The following RFX2 variants were observed in gnomAD, a reference collection of about 807,000 sequenced individuals.
RFX2 encodes the protein regulatory factor X2.
RFX2 carries 20 observed loss-of-function variants against 87.8 expected under a neutral mutation model. That is an observed-to-expected ratio of 0.23 (90% CI 0.16 to 0.33). The LOEUF is 0.33. Ranked by LOEUF, RFX2 falls within the 10% of genes least tolerant of loss-of-function variation. RFX2 has a pLI of 1.00. For missense variants in RFX2, 767 were observed against 1,012.3 expected (o/e 0.76, Z 3.29); for synonymous variants, 397 against 431.3 (o/e 0.92, Z 0.98).
rs940633140 is a variant in RFX2, at chr19:6,010,883, G to A, written c.900-632C>T. 2.0e-5 allele frequency among the ~76,000 whole-genome samples: 3 copies of A among 152,150 alleles called. No individual in the cohort carries two copies. Among genetic ancestry groups the A allele is most frequent in the Non-Finnish European group, 2.9e-5 (2 of 68,034 alleles). Reference sequence around the variant, plus strand: ...TGTAATCCCAGTGCTTTGGGAGGCCGAGGCAGGTGGATCATCTGAGGTCGG... The same window carrying A: ...TGTAATCCCAGTGCTTTGGGAGGCCAAGGCAGGTGGATCATCTGAGGTCGG... On this transcript the variant is annotated intron_variant, in intron 8 of 17. Coordinates refer to ENST00000303657, the MANE Select transcript of RFX2 (RefSeq NM_000635.4). This position sits in a 1 kb window ranked among gnomAD's most constrained non-coding sequence, Gnocchi z 5.0.
Position 5,997,306 on chromosome 19 carries a change from C to G in RFX2, c.1860-93G>C. The G allele has an allele frequency of 1.5e-6, 2 of 1,350,660 alleles. No homozygotes were observed. The highest frequency in any genetic ancestry group is 2.0e-6 in the Non-Finnish European group (2 of 1,014,062). 83.7% of individuals were successfully genotyped at this position (1,350,660 alleles called of 1,614,324 possible). Reference sequence around the variant, plus strand: ...TCATGGCAGCAACACACCCCCTGCTCTACGTTCCCTGGGGAACCCAGAGGC... The same window carrying G: ...TCATGGCAGCAACACACCCCCTGCTGTACGTTCCCTGGGGAACCCAGAGGC... On this transcript the variant is annotated intron_variant, in intron 15 of 17. Transcript: ENST00000303657. This position sits in a 1 kb window ranked among gnomAD's most constrained non-coding sequence, Gnocchi z 4.2.
At chr19:6,014,249 T>C (rs1351809356) in intron 7 of RFX2, among the ~76,000 whole-genome samples, 1 of 152,080 alleles carries the variant, frequency 6.6e-6, no homozygotes, top group Non-Finnish European at 1.5e-5. Context: ...TATTATTATA[T>C]TTTTGAGACA....
At chr19:6,053,861 TG>T (rs202219390) in intron 1 of RFX2, among the ~76,000 whole-genome samples, 5,838 of 145,798 alleles carry the variant, frequency 0.04, 274 homozygotes, top group African/African-American at 0.12. Flanking sequence ...GAGGCTGAGG[TG>T]GGAGAATTGC....
intron 1 of RFX2, among the ~76,000 whole-genome samples, chr19:6,088,837 G>A (rs1599923890): frequency 1.3e-5 from 2 of 152,276 alleles, no homozygotes; most frequent in East Asian, 1.9e-4. Context: ...AGGTTTTGCA[G>A]GTCAAGCGCT....
At position 6,063,552 on chromosome 19, in the gene RFX2, C is replaced by T. The variant is rs992442113; in HGVS notation, c.-8-16048G>A. ...CAGCCCTCTGTCCCTCAAAGTCCAC[C>T]CGCCCATGACAGCTAAGATTAAAGT... is the stretch of plus-strand genomic sequence containing the variant. On this transcript the variant is annotated intron_variant, in intron 1 of 17. Coordinates refer to ENST00000303657, the MANE Select transcript of RFX2 (RefSeq NM_000635.4). The surrounding 1 kb of genome is among the most constrained non-coding windows in gnomAD (Gnocchi z 4.0). Among the ~76,000 whole-genome samples the T allele has an allele frequency of 2.5e-4, 38 of 152,310 alleles. No individual in the cohort carries two copies. The highest frequency in any genetic ancestry group is 8.7e-4 in the African/African-American group (36 of 41,570).
chr19:6,097,080 A>G (rs1252152122), intron 1 of RFX2, among the ~76,000 whole-genome samples: 1 of 152,212 alleles, frequency 6.6e-6, no homozygotes, highest in Admixed American at 6.5e-5. Context: ...TGGGACCTAT[A>G]GGAAGTAGTG....
intron 1 of RFX2, among the ~76,000 whole-genome samples, chr19:6,076,035 T>C (rs1188691028): frequency 6.6e-6 from 1 of 152,044 alleles, no homozygotes; most frequent in Non-Finnish European, 1.5e-5. Context: ...GAGCTTGGTG[T>C]TCACAAAAAA....
chr19:6,009,812 C>T (rs558422162), intron 9 of RFX2, among the ~76,000 whole-genome samples: 25 of 152,286 alleles, frequency 1.6e-4, no homozygotes, highest in South Asian at 8.3e-4. Context: ...GTGATCCTCC[C>T]GCCTTGGCCT....
At chr19:6,032,161 C>T (rs867899697) in intron 5 of RFX2, among the ~76,000 whole-genome samples, 6 of 151,948 alleles carry the variant, frequency 3.9e-5, no homozygotes, top group South Asian at 2.1e-4. Flanking sequence ...CTTGCTTTGT[C>T]GCCATACTGC....
chr19:6,072,531 C>T (rs961776625), intron 1 of RFX2, among the ~76,000 whole-genome samples: 1 of 152,078 alleles, frequency 6.6e-6, no homozygotes, highest in East Asian at 1.9e-4. Flanking sequence ...AGCGAGACCT[C>T]GTCTCTAGAG....
Position 6,108,967 on chromosome 19 carries a change from C to T in RFX2, c.-9+1426G>A, listed in dbSNP as rs146270759. Among the ~76,000 whole-genome samples, 59 of 151,824 alleles carry T rather than the reference C, an allele frequency of 3.9e-4. No individual in the cohort carries two copies. In the East Asian group the frequency reaches 0.011, roughly 29 times the overall value. On this transcript the variant is annotated intron_variant, in intron 1 of 17. Transcript: ENST00000303657. ...TGGTGGCGAGGGAGCGCGGAGGCTT[C>T]TCGGAGGGAGGAAAAAGAAAGAAAT...
Position 6,027,141 on chromosome 19 carries a change from T to G in RFX2, c.523-904A>C, listed in dbSNP as rs1185078557. ...GAGGAGATGAACTTGAAGTATATGCTTCCTTTCTTAAGGAGGCCAAAGACT... is the reference window on the plus strand; with the variant it reads ...GAGGAGATGAACTTGAAGTATATGCGTCCTTTCTTAAGGAGGCCAAAGACT... On this transcript the variant is annotated intron_variant, in intron 5 of 17. Coordinates refer to ENST00000303657, the MANE Select transcript of RFX2 (RefSeq NM_000635.4). This position sits in a 1 kb window ranked among gnomAD's most constrained non-coding sequence, Gnocchi z 5.0. 1 of 152,228 alleles carries G rather than the reference T, an allele frequency of 6.6e-6. No homozygotes were observed. Among genetic ancestry groups the G allele is most frequent in the South Asian group, 2.1e-4 (1 of 4,830 alleles). 9.4% of individuals were successfully genotyped at this position (152,228 alleles called of 1,614,324 possible).
chr19:6,095,060 C>T (rs113376976), intron 1 of RFX2, among the ~76,000 whole-genome samples: 5,224 of 152,180 alleles, frequency 0.034, 324 homozygotes, highest in African/African-American at 0.12. Context: ...TGCAGTGAGC[C>T]GAGATCGCGC....
chr19:6,015,926 G>A (rs1324638599), intron 7 of RFX2, among the ~76,000 whole-genome samples, 164 bp downstream of exon 7: 1 of 152,256 alleles, frequency 6.6e-6, no homozygotes, highest in Non-Finnish European at 1.5e-5. Flanking sequence ...GCTACACCTG[G>A]CCACAGCCAA....
chr19:6,096,005 A>T (rs1386073595), intron 1 of RFX2, among the ~76,000 whole-genome samples: 1 of 152,220 alleles, frequency 6.6e-6, no homozygotes, highest in Non-Finnish European at 1.5e-5. Flanking sequence ...GGGAGAGCTG[A>T]GTAGTTGAGA....
intron 5 of RFX2, among the ~76,000 whole-genome samples, chr19:6,038,328 G>GAAAAAA (rs55857624): frequency 1.6e-5 from 1 of 61,090 alleles, no homozygotes; most frequent in African/African-American, 6.8e-5. Flanking sequence ...CTCCGTCTCA[G>GAAAAAA]AAAAAAAAAA....
intron 1 of RFX2, among the ~76,000 whole-genome samples, chr19:6,066,930 T>TA (rs1456666789): frequency 2.0e-5 from 3 of 151,924 alleles, no homozygotes; most frequent in East Asian, 1.9e-4. Flanking sequence ...TAACCAGATC[T>TA]AAAAAAAACC....
chr19:6,044,390 CAT>C lies in RFX2; in HGVS notation c.91-110_91-109del. On this transcript the variant is annotated intron_variant, in intron 2 of 17. Coordinates refer to ENST00000303657, the MANE Select transcript of RFX2 (RefSeq NM_000635.4). The surrounding 1 kb of genome is among the most constrained non-coding windows in gnomAD (Gnocchi z 5.3). ...TCTGTTCATGTGCTTTTTATTAAAACATAGGCAGGACTGATCAGAGGCGACGG... is the reference window on the plus strand; with the variant it reads ...TCTGTTCATGTGCTTTTTATTAAAACAGGCAGGACTGATCAGAGGCGACGG... The C allele has an allele frequency of 4.0e-6, 3 of 748,370 alleles. No individual in the cohort carries two copies. The highest frequency in any genetic ancestry group is 5.0e-4 in the Middle Eastern group (2 of 3,990). The allele number at this position is 748,370 out of a possible 1,614,324, so 46.4% of individuals were successfully genotyped here. A position where few individuals can be genotyped will look rare whatever the true frequency, so the allele number is the denominator to read the frequency against.
rs898256851 is a variant in RFX2 at position 6,083,013 on chromosome 19, G to A, written c.-9+27380C>T. 4.6e-5 allele frequency among the ~76,000 whole-genome samples: 7 copies of A among 151,892 alleles called. No homozygotes were observed. The highest frequency in any genetic ancestry group is 4.8e-5 in the African/African-American group (2 of 41,344). On this transcript the variant is annotated intron_variant, in intron 1 of 17. Coordinates refer to ENST00000303657, the MANE Select transcript of RFX2 (RefSeq NM_000635.4). This position sits in a 1 kb window ranked among gnomAD's most constrained non-coding sequence, Gnocchi z 4.6. ...GGCTGCAGTGGCACAAACACGGCTCGCTGCAGCCTCAACCTCCCTGGGCTC... is the reference window on the plus strand; with the variant it reads ...GGCTGCAGTGGCACAAACACGGCTCACTGCAGCCTCAACCTCCCTGGGCTC...
Sources: gnomAD v4.1 joint callset for allele counts (sites outside exome capture counted in the v4.1 genomes callset) on GRCh38, gnomAD v4.1.1 for gene constraint, Gnocchi (gnomAD v3.1) non-coding constraint, MANE v1.5 for transcripts, NCBI Gene and HGNC (gene_info 2026-07-23, HGNC 2026-07-21) for gene names.